PDE4D: variants seen among roughly 807,000 people sequenced by gnomAD.
PDE4D encodes phosphodiesterase 4D.
In PDE4D, 24 loss-of-function variants were observed where a neutral mutation model predicts 87.4. That is an observed-to-expected ratio of 0.27 (90% CI 0.20 to 0.39). The LOEUF (loss-of-function observed/expected upper bound fraction) is 0.39, where lower values mean the gene tolerates loss of function less well. PDE4D is among the 10% of genes least tolerant of loss of function. The pLI is 1.00. For synonymous variants in PDE4D, 384 were observed against 383.2 expected, an observed-to-expected ratio of 1.00 and a Z score of -0.02; for missense variants, 714 against 1,041.0, an observed-to-expected ratio of 0.69 and a Z score of 4.32.
At chr5:59,280,724 A>G (rs905916751) in intron 1 of PDE4D, among the ~76,000 whole-genome samples, 20 of 152,136 alleles carry the variant, frequency 1.3e-4, no homozygotes, top group African/African-American at 4.8e-4. Context: ...CACAAGAATG[A>G]GACCCTAGAA....
At chr5:60,135,174 G>T (rs552210383) in intron 2 of PDE4D, among the ~76,000 whole-genome samples, 5 of 152,224 alleles carry the variant, frequency 3.3e-5, no homozygotes, top group Non-Finnish European at 7.4e-5. Flanking sequence ...GAGACCCTTC[G>T]CCCCTTTAAC....
chr5:59,550,702 A>AT (rs199730901), intron 1 of PDE4D, among the ~76,000 whole-genome samples: 20,483 of 146,032 alleles, frequency 0.14, 1,589 homozygotes, highest in Admixed American at 0.18. Flanking sequence ...ATTTCTAAGA[A>AT]TTTTTTTTTT....
chr5:60,477,103 A>G (rs1465620354), intron 1 of PDE4D, among the ~76,000 whole-genome samples: 1 of 152,192 alleles, frequency 6.6e-6, no homozygotes, highest in East Asian at 1.9e-4. Context: ...TAGAATAGGC[A>G]GGAAGAAATG....
intron 1 of PDE4D, among the ~76,000 whole-genome samples, chr5:59,714,765 T>C (rs1317000740): frequency 2.0e-5 from 3 of 152,380 alleles, no homozygotes; most frequent in Middle Eastern, 3.4e-3. Flanking sequence ...CATGGTCTTA[T>C]TGATAATATT....
intron 1 of PDE4D, among the ~76,000 whole-genome samples, chr5:59,874,663 A>C (rs949103381): frequency 3.9e-5 from 6 of 152,214 alleles, no homozygotes; most frequent in African/African-American, 9.6e-5. Flanking sequence ...CCTCACACAA[A>C]GAAAATATTT....
intron 1 of PDE4D, among the ~76,000 whole-genome samples, chr5:59,633,398 A>T (rs540207733): frequency 6.6e-6 from 1 of 152,296 alleles, no homozygotes; most frequent in Admixed American, 6.5e-5. Context: ...CCTCACAAAG[A>T]TACTCCTTGA....
At chr5:59,437,945 G>A (rs1366183027) in intron 1 of PDE4D, among the ~76,000 whole-genome samples, 1 of 152,112 alleles carries the variant, frequency 6.6e-6, no homozygotes, top group African/African-American at 2.4e-5. Context: ...ATGGCAGAAG[G>A]CACCTCTTCA....
chr5:60,506,567 C>T (rs1750334010), intron 1 of PDE4D, among the ~76,000 whole-genome samples: 1 of 151,724 alleles, frequency 6.6e-6, no homozygotes, highest in African/African-American at 2.4e-5. Context: ...AAGGCTAATG[C>T]TGTCAAAGAA....
chr5:60,318,388 G>T (rs1159592165), intron 1 of PDE4D, among the ~76,000 whole-genome samples: 1 of 152,140 alleles, frequency 6.6e-6, no homozygotes, highest in East Asian at 1.9e-4. Flanking sequence ...CTCTGCACGT[G>T]AGATGGGTTT....
At chr5:59,495,136 C>A (rs2153661965) in intron 1 of PDE4D, among the ~76,000 whole-genome samples, 1 of 152,256 alleles carries the variant, frequency 6.6e-6, no homozygotes, top group South Asian at 2.1e-4. Context: ...TCACAAATAT[C>A]CTTGATCACT....
At chr5:60,243,321 A>G (rs1487918410) in intron 1 of PDE4D, among the ~76,000 whole-genome samples, 1 of 151,996 alleles carries the variant, frequency 6.6e-6, no homozygotes, top group Non-Finnish European at 1.5e-5. Flanking sequence ...GATCAAAACT[A>G]TAATAAAGAA....
At chr5:59,273,205 A>C (rs958047844) in intron 1 of PDE4D, among the ~76,000 whole-genome samples, 5 of 152,112 alleles carry the variant, frequency 3.3e-5, no homozygotes, top group African/African-American at 1.2e-4. Flanking sequence ...GGTGGTGGAG[A>C]AATGCAGACA....
chr5:59,137,869 G>A (rs747159358), intron 5 of PDE4D, among the ~76,000 whole-genome samples: 2 of 152,204 alleles, frequency 1.3e-5, no homozygotes, highest in Non-Finnish European at 2.9e-5. Flanking sequence ...AACCCTGAGG[G>A]AATATGGGAT....
intron 1 of PDE4D, among the ~76,000 whole-genome samples, chr5:59,615,569 A>G (rs1159651472): frequency 6.6e-6 from 1 of 152,210 alleles, no homozygotes; most frequent in Non-Finnish European, 1.5e-5. Flanking sequence ...CAGTCAGCAC[A>G]TTCAAAACAA....
intron 11 of PDE4D, among the ~76,000 whole-genome samples, chr5:58,980,303 C>T (rs1744801716): frequency 6.6e-6 from 1 of 152,138 alleles, no homozygotes; most frequent in Admixed American, 6.6e-5. Context: ...GCCAACATCA[C>T]CTAGCCAGTA....
intron 1 of PDE4D, among the ~76,000 whole-genome samples, chr5:60,251,287 GTAC>G (rs1748420252): frequency 6.6e-6 from 1 of 151,544 alleles, no homozygotes; most frequent in Non-Finnish European, 1.5e-5. Flanking sequence ...GGGGTTTGGT[GTAC>G]AGATTATTTC....
At chr5:59,730,159 CA>C (rs1757173273) in intron 1 of PDE4D, among the ~76,000 whole-genome samples, 1 of 151,882 alleles carries the variant, frequency 6.6e-6, no homozygotes, top group South Asian at 2.1e-4. Flanking sequence ...TAATTTGTTC[CA>C]AGCCGGAAAA....
intron 1 of PDE4D, among the ~76,000 whole-genome samples, chr5:59,335,478 T>C (rs749153354): frequency 6.6e-6 from 1 of 152,168 alleles, no homozygotes; most frequent in African/African-American, 2.4e-5. Context: ...TAAAAATACA[T>C]AGTTTTTGCC....
At chr5:60,034,796 G>A (rs1767606369) in intron 2 of PDE4D, among the ~76,000 whole-genome samples, 2 of 152,184 alleles carry the variant, frequency 1.3e-5, no homozygotes, top group South Asian at 2.1e-4. Flanking sequence ...GTCTCTGCAA[G>A]ATGAGAAATA....
Sources: allele counts gnomAD v4.1 joint callset (sites outside exome capture counted in the v4.1 genomes callset), GRCh38; gene constraint gnomAD v4.1.1; transcripts MANE v1.5; gene names NCBI Gene and HGNC (gene_info 2026-07-23, HGNC 2026-07-21).